Variants in SNX18 observed in about 807,000 individuals in gnomAD.
The protein encoded by SNX18 is sorting nexin-18.
SNX18 carries 35 observed loss-of-function variants against 48.7 expected under a neutral mutation model. That is an observed-to-expected ratio of 0.72 (90% CI 0.55 to 0.95). The LOEUF is 0.95. Among genes scored for constraint, SNX18 ranks in the 40% least tolerant of loss-of-function variants. The pLI, the probability that SNX18 is intolerant of heterozygous loss-of-function variation, is 0.00. For missense variants in SNX18, 824 were observed against 871.0 expected (o/e 0.95, Z 0.68); for synonymous variants, 492 against 384.7 (o/e 1.28, Z -3.26).
chr5:54,555,309 C>T, the SNX18 span, among the ~76,000 whole-genome samples: 1 of 152,190 alleles, frequency 6.6e-6, no homozygotes, highest in African/African-American at 2.4e-5. Flanking sequence ...CCTTATTCCT[C>T]CTTCTCTAGT....
At chr5:54,596,426 C>A in the SNX18 span, among the ~76,000 whole-genome samples, 7,661 of 152,268 alleles carry the variant, frequency 0.05, 255 homozygotes, top group Non-Finnish European at 0.078. Context: ...CCTTCATCTA[C>A]ATTGGGCATT....
At chr5:54,529,441 C>T (rs1482474368) in intron 1 of SNX18, among the ~76,000 whole-genome samples, 2 of 152,106 alleles carry the variant, frequency 1.3e-5, no homozygotes, top group Non-Finnish European at 2.9e-5. Flanking sequence ...TTGTATAAGT[C>T]CCTACATAAT....
chr5:54,634,839 A>T, the SNX18 span, among the ~76,000 whole-genome samples: 26,149 of 152,098 alleles, frequency 0.17, 2,615 homozygotes, highest in Middle Eastern at 0.24. Context: ...TGAGCGTCTT[A>T]TTCATAAAAT....
intron 1 of SNX18, among the ~76,000 whole-genome samples, chr5:54,533,247 A>G (rs1464386241): frequency 6.6e-6 from 1 of 152,190 alleles, no homozygotes; most frequent in African/African-American, 2.4e-5. Flanking sequence ...TTTGATAGTT[A>G]TTAGCTTTAG....
the SNX18 span, among the ~76,000 whole-genome samples, chr5:54,605,872 C>G: frequency 2.6e-5 from 4 of 152,194 alleles, no homozygotes; most frequent in African/African-American, 9.6e-5. Context: ...CTTTGTTGAC[C>G]AGGCTAATCT....
chr5:54,551,551 A>C (rs73117054), downstream of SNX18, among the ~76,000 whole-genome samples: 1,402 of 152,314 alleles, frequency 9.2e-3, 29 homozygotes, highest in African/African-American at 0.032. Context: ...TCTAGGAATG[A>C]TACTGCCGTT....
chr5:54,521,286 G>A (rs1762028922), intron 1 of SNX18, among the ~76,000 whole-genome samples: 1 of 152,178 alleles, frequency 6.6e-6, no homozygotes, highest in African/African-American at 2.4e-5. Context: ...TTCATTCACT[G>A]TCAATCACAC....
the SNX18 span, among the ~76,000 whole-genome samples, chr5:54,588,115 CCAAA>C: frequency 2.0e-5 from 3 of 151,924 alleles, no homozygotes; most frequent in Admixed American, 1.3e-4. Flanking sequence ...GCAGAAGTTC[CCAAA>C]CACTCTCGTT....
At chr5:54,646,485 C>T in the SNX18 span, among the ~76,000 whole-genome samples, 1 of 152,334 alleles carries the variant, frequency 6.6e-6, no homozygotes, top group Non-Finnish European at 1.5e-5. Context: ...AGCCGCATTG[C>T]GGGGGAGACA....
At chr5:54,617,183 A>C in the SNX18 span, among the ~76,000 whole-genome samples, 1 of 152,226 alleles carries the variant, frequency 6.6e-6, no homozygotes, top group Non-Finnish European at 1.5e-5. Context: ...GTGAAGCCGC[A>C]AGGCCTCTCC....
the SNX18 span, among the ~76,000 whole-genome samples, chr5:54,624,999 T>C: frequency 6.6e-6 from 1 of 152,302 alleles, no homozygotes; most frequent in Admixed American, 6.5e-5. Flanking sequence ...CCTCCATGGC[T>C]AGGATGTCAG....
the SNX18 span, among the ~76,000 whole-genome samples, chr5:54,638,121 AT>A: frequency 6.6e-6 from 1 of 152,210 alleles, no homozygotes; most frequent in African/African-American, 2.4e-5. Flanking sequence ...CCCCATTTAT[AT>A]TCTAACTCTA....
the SNX18 span, among the ~76,000 whole-genome samples, chr5:54,614,350 G>T: frequency 6.6e-6 from 1 of 152,192 alleles, no homozygotes. Context: ...GTTTTATTAG[G>T]CTCAGAAGCC....
At chr5:54,627,915 G>A in the SNX18 span, among the ~76,000 whole-genome samples, 1 of 152,190 alleles carries the variant, frequency 6.6e-6, no homozygotes, top group Non-Finnish European at 1.5e-5. Context: ...CATGTGTGCA[G>A]GTGTTCTTGA....
At chr5:54,621,642 A>G in the SNX18 span, among the ~76,000 whole-genome samples, 1 of 152,208 alleles carries the variant, frequency 6.6e-6, no homozygotes, top group Non-Finnish European at 1.5e-5. Context: ...CAACAACGTT[A>G]CTGTTCACAT....
chr5:54,594,234 G>C, the SNX18 span, among the ~76,000 whole-genome samples: 5 of 152,210 alleles, frequency 3.3e-5, no homozygotes, highest in Admixed American at 6.5e-5. Context: ...TTTAGTGTTA[G>C]AAAGCAGATC....
chr5:54,573,702 G>A, the SNX18 span, among the ~76,000 whole-genome samples: 1 of 152,152 alleles, frequency 6.6e-6, no homozygotes, highest in African/African-American at 2.4e-5. Flanking sequence ...CCCCACAGAA[G>A]ACACATCAGG....
chr5:54,519,296 G>T lies in SNX18; in HGVS notation c.1344G>T (p.Thr448=), dbSNP rs1580090362. 1 of 1,613,986 alleles carries T rather than the reference G, an allele frequency of 6.2e-7. No individual in the cohort carries two copies. The highest frequency in any genetic ancestry group is 8.5e-7 in the Non-Finnish European group (1 of 1,179,982). ...ACAGCGCGCTGCAGCTCAACCACAC[G>T]GCCAACGAGTTCGCGCGCAAGCAGG... ...MDDSALQLNH[T]ANEFARKQVT... The change falls in exon 1 of 2, where the codon ACG becomes ACT. Residue 448 remains threonine, a synonymous_variant. Transcript: ENST00000381410.
chr5:54,595,107 A>G, the SNX18 span, among the ~76,000 whole-genome samples: 4 of 152,182 alleles, frequency 2.6e-5, no homozygotes, highest in African/African-American at 7.2e-5. Context: ...TGTCTTTGCT[A>G]TTATGAATAG....
Sources: allele counts gnomAD v4.1 joint callset (sites outside exome capture counted in the v4.1 genomes callset), GRCh38; gene constraint gnomAD v4.1.1; transcripts MANE v1.5; gene names NCBI Gene and HGNC (gene_info 2026-07-23, HGNC 2026-07-21).